Variants in RNF38 observed in about 807,000 individuals in gnomAD.
RNF38 encodes the protein ring finger protein 38, also known as E3 ubiquitin-protein ligase RNF38.
A neutral mutation model predicts 67.2 loss-of-function variants in RNF38; 15 were observed. That is an observed-to-expected ratio of 0.22 (90% CI 0.15 to 0.34). The LOEUF is 0.34. Among genes scored for constraint, RNF38 ranks in the 10% least tolerant of loss-of-function variants. The pLI is 1.00. For missense variants in RNF38, 524 were observed against 639.9 expected (o/e 0.82, Z 1.95); for synonymous variants, 220 against 218.8 (o/e 1.01, Z -0.05).
At chr9:36,447,723 T>C (rs2134322215) in intron 1 of RNF38, among the ~76,000 whole-genome samples, 1 of 152,312 alleles carries the variant, frequency 6.6e-6, no homozygotes, top group South Asian at 2.1e-4. Flanking sequence ...TACAGAAATG[T>C]AAACATAGGA....
chr9:36,457,170 T>C (rs748371773), intron 1 of RNF38, among the ~76,000 whole-genome samples: 1 of 152,258 alleles, frequency 6.6e-6, no homozygotes, highest in South Asian at 2.1e-4. Flanking sequence ...TGAATTTATA[T>C]TAAAGTAGAA....
chr9:36,439,876 C>A (rs1214666647), intron 1 of RNF38, among the ~76,000 whole-genome samples: 1 of 151,478 alleles, frequency 6.6e-6, no homozygotes, highest in East Asian at 1.9e-4. Context: ...ATTTGTCTGG[C>A]ATAATTTGTA....
intron 2 of RNF38, among the ~76,000 whole-genome samples, chr9:36,409,432 G>A (rs1352598750): frequency 2.0e-5 from 3 of 152,170 alleles, no homozygotes; most frequent in African/African-American, 4.8e-5. Context: ...AAGAGAAGTC[G>A]CTGAAAACAG....
chr9:36,380,832 G>A (rs999035426), intron 2 of RNF38, among the ~76,000 whole-genome samples: 3 of 151,940 alleles, frequency 2.0e-5, no homozygotes, highest in African/African-American at 7.3e-5. Flanking sequence ...TAAATGCAGG[G>A]GAAAAAAGGG....
chr9:36,383,359 A>AT (rs1185360188), intron 2 of RNF38, among the ~76,000 whole-genome samples: 2 of 152,060 alleles, frequency 1.3e-5, no homozygotes, highest in African/African-American at 4.8e-5. Context: ...GCACCAGCCA[A>AT]TTTTTGTATT....
intron 1 of RNF38, among the ~76,000 whole-genome samples, chr9:36,444,764 C>A (rs1839264509): frequency 6.6e-6 from 1 of 152,120 alleles, no homozygotes; most frequent in Non-Finnish European, 1.5e-5. Flanking sequence ...CGCACCACTG[C>A]ACTCCAACCT....
At chr9:36,362,507 T>TA (rs1834631162) in intron 4 of RNF38, among the ~76,000 whole-genome samples, 1 of 149,462 alleles carries the variant, frequency 6.7e-6, no homozygotes, top group Non-Finnish European at 1.5e-5. Flanking sequence ...AACACTCATG[T>TA]AACCATCACG....
At position 36,347,328 on chromosome 9, in the gene RNF38, G is replaced by A. The variant is rs146343332; in HGVS notation, c.1264-2375C>T. On this transcript the variant is annotated intron_variant, in intron 9 of 11. Transcript: ENST00000259605. ...ACACAGGCATATTTCACTTTACTGC[G>A]CTTTGCTTTACTGCATGCCACAGAT... Among the ~76,000 whole-genome samples, 253 of 152,034 alleles carry A rather than the reference G, an allele frequency of 1.7e-3. 4 individuals carry two copies. The highest frequency in any genetic ancestry group is 0.01 in the Middle Eastern group (3 of 292).
chr9:36,450,378 G>T (rs868465625), intron 1 of RNF38, among the ~76,000 whole-genome samples: 1 of 152,100 alleles, frequency 6.6e-6, no homozygotes, highest in Non-Finnish European at 1.5e-5. Context: ...GAAAGGCAGG[G>T]AACCACTAGT....
At chr9:36,381,126 G>C (rs1039155165) in intron 2 of RNF38, among the ~76,000 whole-genome samples, 2 of 152,070 alleles carry the variant, frequency 1.3e-5, no homozygotes, top group Non-Finnish European at 2.9e-5. Context: ...CCCTATTTGG[G>C]GTTCAGATTT....
chr9:36,400,912 GCGCCCCGCCGCACCCCGCCT>G, upstream of RNF38: 1 of 766,970 alleles, frequency 1.3e-6, no homozygotes, highest in Non-Finnish European at 1.5e-6. Context: ...CCGCCCCGCC[GCGCCCCGCCGCACCCCGCCT>G]CACCCCGCCT....
intron 6 of RNF38, among the ~76,000 whole-genome samples, chr9:36,354,452 C>A (rs912372595): frequency 6.6e-6 from 1 of 152,172 alleles, no homozygotes; most frequent in African/African-American, 2.4e-5. Context: ...CCACCGCGCA[C>A]GGCCCAGCTT....
chr9:36,458,773 A>T (rs1839653832), intron 1 of RNF38, among the ~76,000 whole-genome samples: 1 of 152,246 alleles, frequency 6.6e-6, no homozygotes, highest in Non-Finnish European at 1.5e-5. Flanking sequence ...CACCGGAAGG[A>T]ATAAATTCCA....
rs559362842 is a variant in RNF38, at chr9:36,398,561, AC to A, written c.12+1535del. On this transcript the variant is annotated intron_variant, in intron 1 of 11. Transcript: ENST00000259605. ...ATTAATGCTTTATCTCCTCTAGATA[AC>A]GTCGTATTAATTAACGTTTGCTGAT... Among the ~76,000 whole-genome samples the A allele has an allele frequency of 9.7e-3, 1,479 of 152,322 alleles. 10 individuals carry two copies. The highest frequency in any genetic ancestry group is 0.017 in the Non-Finnish European group (1,137 of 68,028).
chr9:36,442,727 C>T (rs1839220434), intron 1 of RNF38, among the ~76,000 whole-genome samples: 1 of 152,180 alleles, frequency 6.6e-6, no homozygotes, highest in African/African-American at 2.4e-5. Flanking sequence ...TGCAGCGAGC[C>T]GAGATCGTGC....
rs1478686867 is a variant in RNF38 at position 36,462,509 on chromosome 9, T to C, written n.241+24799A>G. ...AAGGTCAAAAACAAAGTATCCCTAA[T>C]AGTCTAGAAGGTCACCATCTTACCT... On this transcript the variant is annotated intron_variant and non_coding_transcript_variant, in intron 1 of 3. Transcript: ENST00000488058. Among the ~76,000 whole-genome samples, 5 of 152,192 alleles carry C rather than the reference T, an allele frequency of 3.3e-5. No homozygotes were observed. The East Asian group carries it at 5.8e-4, about 18-fold the overall frequency.
chr9:36,436,419 A>G (rs915690212), intron 1 of RNF38, among the ~76,000 whole-genome samples: 1 of 152,224 alleles, frequency 6.6e-6, no homozygotes, highest in Non-Finnish European at 1.5e-5. Flanking sequence ...TAAAATAGTA[A>G]TGACAGACTC....
intron 1 of RNF38, among the ~76,000 whole-genome samples, chr9:36,399,841 T>A (rs1337819637): frequency 1.3e-5 from 2 of 152,142 alleles, no homozygotes; most frequent in African/African-American, 2.4e-5. Context: ...AATTTTCAAG[T>A]ATAACAACAC....
intron 4 of RNF38, among the ~76,000 whole-genome samples, chr9:36,358,829 G>C (rs1364351879): frequency 6.6e-6 from 1 of 152,110 alleles, no homozygotes; most frequent in Admixed American, 6.6e-5. Context: ...GGCCAACATG[G>C]TGAAAACCCG....
Sources: gnomAD v4.1 joint callset for allele counts (sites outside exome capture counted in the v4.1 genomes callset) on GRCh38, gnomAD v4.1.1 for gene constraint, MANE v1.5 for transcripts, NCBI Gene and HGNC (gene_info 2026-07-23, HGNC 2026-07-21) for gene names.